The following HDAC9 variants were observed in gnomAD, a reference collection of about 807,000 sequenced individuals.
The protein encoded by HDAC9 is histone deacetylase 9, also known as MEF-2 interacting transcription repressor (MITR) protein.
HDAC9 carries 41 observed loss-of-function variants against 139.4 expected under a neutral mutation model. That is an observed-to-expected ratio of 0.29 (90% CI 0.23 to 0.38). The LOEUF (loss-of-function observed/expected upper bound fraction) is 0.38. Ranked by LOEUF, HDAC9 falls within the 10% of genes least tolerant of loss-of-function variation. The pLI is 1.00. For synonymous variants in HDAC9, 517 were observed against 476.2 expected (o/e 1.09, Z -1.12); for missense variants, 1,147 against 1,297.0 (o/e 0.88, Z 1.78).
chr7:18,398,250 A>G (rs1337070146), intron 1 of HDAC9, among the ~76,000 whole-genome samples: 1 of 152,192 alleles, frequency 6.6e-6, no homozygotes, highest in Non-Finnish European at 1.5e-5. Context: ...AACTCAGAAA[A>G]ACATAGACTA....
At chr7:18,148,411 A>G (rs530131049) in intron 1 of HDAC9, among the ~76,000 whole-genome samples, 1 of 152,272 alleles carries the variant, frequency 6.6e-6, no homozygotes, top group East Asian at 1.9e-4. Context: ...CCATAGGCAC[A>G]TCTCCACTTC....
intron 1 of HDAC9, among the ~76,000 whole-genome samples, chr7:18,304,265 T>C (rs1798767360): frequency 6.6e-6 from 1 of 152,200 alleles, no homozygotes; most frequent in African/African-American, 2.4e-5. Context: ...TTATCTGGAT[T>C]TTATGGATGG....
chr7:18,934,957 C>T (rs1781520535), intron 22 of HDAC9, among the ~76,000 whole-genome samples: 1 of 151,820 alleles, frequency 6.6e-6, no homozygotes, highest in African/African-American at 2.4e-5. Flanking sequence ...ATATAATGGC[C>T]TACTAGACAG....
intron 1 of HDAC9, among the ~76,000 whole-genome samples, chr7:18,154,074 G>T (rs548565111): frequency 2.6e-5 from 4 of 152,318 alleles, no homozygotes; most frequent in African/African-American, 9.6e-5. Context: ...TGTATAGAAA[G>T]ATCTATACAA....
intron 2 of HDAC9, among the ~76,000 whole-genome samples, chr7:18,196,384 A>T (rs113439677): frequency 4.7e-4 from 72 of 152,322 alleles, no homozygotes; most frequent in African/African-American, 1.5e-3. Context: ...TTCAAAAAGG[A>T]GGTAAAGCTT....
At chr7:18,646,316 AGGACC>A (rs1328340048) in intron 9 of HDAC9, among the ~76,000 whole-genome samples, 1 of 152,168 alleles carries the variant, frequency 6.6e-6, no homozygotes, top group Non-Finnish European at 1.5e-5. Context: ...TTTTTCCCAA[AGGACC>A]AAGTACTAAA....
chr7:18,315,702 T>C (rs954363992), intron 1 of HDAC9, among the ~76,000 whole-genome samples: 3 of 152,232 alleles, frequency 2.0e-5, no homozygotes, highest in Non-Finnish European at 4.4e-5. Flanking sequence ...TCTAGGAGAA[T>C]GACACCCTCA....
intron 2 of HDAC9, among the ~76,000 whole-genome samples, chr7:18,282,191 T>C (rs1214013545): frequency 6.6e-6 from 1 of 152,218 alleles, no homozygotes; most frequent in Non-Finnish European, 1.5e-5. Context: ...GTAATTGTAT[T>C]TACCAGGTTT....
chr7:18,380,639 G>A (rs1185616659), intron 1 of HDAC9, among the ~76,000 whole-genome samples: 3 of 152,186 alleles, frequency 2.0e-5, no homozygotes, highest in Admixed American at 6.5e-5. Flanking sequence ...TCTTCACTGA[G>A]CTGAAAGGGA....
intron 6 of HDAC9, among the ~76,000 whole-genome samples, chr7:18,618,760 A>ATGTG (rs1562601198): frequency 7.5e-6 from 1 of 133,808 alleles, no homozygotes; most frequent in East Asian, 2.2e-4. Flanking sequence ...ATATATATAT[A>ATGTG]TGTAGGAATT....
At chr7:18,900,264 A>G (rs1227526563) in intron 22 of HDAC9, among the ~76,000 whole-genome samples, 2 of 152,210 alleles carry the variant, frequency 1.3e-5, no homozygotes, top group African/African-American at 4.8e-5. Flanking sequence ...TCAAAGATAA[A>G]TAAATTTAAA....
intron 22 of HDAC9, among the ~76,000 whole-genome samples, chr7:18,925,761 C>T (rs1804166264): frequency 6.6e-6 from 1 of 151,842 alleles, no homozygotes; most frequent in African/African-American, 2.4e-5. Flanking sequence ...ACATCTCTCA[C>T]TCCTCACCCT....
chr7:18,576,768 A>G (rs563055650), intron 2 of HDAC9, among the ~76,000 whole-genome samples: 1 of 152,326 alleles, frequency 6.6e-6, no homozygotes, highest in African/African-American at 2.4e-5. Flanking sequence ...CAATGATAAA[A>G]AAAAATACAG....
At chr7:18,156,347 T>C (rs894585305) in intron 1 of HDAC9, among the ~76,000 whole-genome samples, 1 of 152,222 alleles carries the variant, frequency 6.6e-6, no homozygotes, top group South Asian at 2.1e-4. Flanking sequence ...GTCTGGTGTC[T>C]TCCCAACCCA....
At chr7:18,496,349 A>G in intron 2 of HDAC9, 25 bp downstream of exon 2, 1 of 1,605,928 alleles carries the variant, frequency 6.2e-7, no homozygotes, top group Non-Finnish European at 8.5e-7. Flanking sequence ...CATAACTGAG[A>G]CGTTTTAGGT....
chr7:18,320,038 T>A (rs1799919774), intron 1 of HDAC9, among the ~76,000 whole-genome samples: 1 of 152,194 alleles, frequency 6.6e-6, no homozygotes. Flanking sequence ...TTTTTCACTC[T>A]CTAGTCCAAC....
intron 17 of HDAC9, among the ~76,000 whole-genome samples, chr7:18,826,669 TG>T (rs1224778453): frequency 3.4e-5 from 5 of 145,448 alleles, no homozygotes; most frequent in Non-Finnish European, 4.4e-5. Context: ...TTTTTGGTTT[TG>T]TTTTTTTTTT....
At chr7:18,593,094 A>G (rs531079709) in intron 5 of HDAC9, among the ~76,000 whole-genome samples, 1 of 152,282 alleles carries the variant, frequency 6.6e-6, no homozygotes, top group South Asian at 2.1e-4. Context: ...TCTGAATTTA[A>G]TGCCATTTTT....
At chr7:18,243,865 T>C (rs1794349694) in intron 2 of HDAC9, among the ~76,000 whole-genome samples, 1 of 152,128 alleles carries the variant, frequency 6.6e-6, no homozygotes, top group Non-Finnish European at 1.5e-5. Context: ...ACAGCAAGAT[T>C]AGGGAGGCAA....
Sources: gnomAD v4.1 joint callset for allele counts (sites outside exome capture counted in the v4.1 genomes callset) on GRCh38, gnomAD v4.1.1 for gene constraint, MANE v1.5 for transcripts, NCBI Gene and HGNC (gene_info 2026-07-23, HGNC 2026-07-21) for gene names.